Variants in ZNF106 observed in about 807,000 individuals in gnomAD.
ZNF106 encodes zinc finger protein 106.
In ZNF106, 67 loss-of-function variants were observed where a neutral mutation model predicts 195.1. That is an observed-to-expected ratio of 0.34 (90% CI 0.28 to 0.42). The LOEUF is 0.42. Ranked by LOEUF, ZNF106 falls within the 10% of genes least tolerant of loss-of-function variation. The pLI is 1.00. For synonymous variants in ZNF106, 784 were observed against 818.6 expected, an observed-to-expected ratio of 0.96 and a Z score of 0.72; for missense variants, 2,118 against 2,304.5, an observed-to-expected ratio of 0.92 and a Z score of 1.66.
Position 42,422,633 on chromosome 15 carries a change from A to G in ZNF106, c.5254-13T>C. ...CGAGCTCACCAGTCTATGTCAGAAG[A>G]GAAGTAAGAGTCACCAGACTGACTT... On this transcript the variant is annotated splice_polypyrimidine_tract_variant and intron_variant, in intron 17 of 21. Coordinates refer to ENST00000564754, the MANE Select transcript of ZNF106 (RefSeq NM_001366845.3). 3.1e-6 allele frequency: 5 copies of G among 1,593,178 alleles called. No homozygotes were observed. The highest frequency in any genetic ancestry group is 4.3e-6 in the Non-Finnish European group (5 of 1,172,118).
chr15:42,415,322 A>C lies in ZNF106; in HGVS notation c.*1982T>G. 1 of 402,762 alleles carries C rather than the reference A, an allele frequency of 2.5e-6. No homozygotes were observed. Among genetic ancestry groups the C allele is most frequent in the Non-Finnish European group, 4.9e-6 (1 of 203,188 alleles). 24.9% of individuals were successfully genotyped at this position (402,762 alleles called of 1,614,324 possible). Reference sequence around the variant, plus strand: ...TTTTTAATAGAGACGGGGTTTCACTATGTTGGCCAGGCTGGTCTCAAATGC... The same window carrying C: ...TTTTTAATAGAGACGGGGTTTCACTCTGTTGGCCAGGCTGGTCTCAAATGC... On this transcript the variant is annotated 3_prime_UTR_variant, in exon 22 of 22. Coordinates refer to ENST00000564754, the MANE Select transcript of ZNF106 (RefSeq NM_001366845.3).
At chr15:42,471,245 C>T (rs1355805533) in intron 2 of ZNF106, among the ~76,000 whole-genome samples, 5 of 152,318 alleles carry the variant, frequency 3.3e-5, no homozygotes, top group African/African-American at 1.2e-4. Flanking sequence ...ACCACTTCCA[C>T]TCACACTTCC....
chr15:42,435,458 T>C lies in ZNF106; in HGVS notation c.4807A>G (p.Thr1603Ala). 1 of 1,614,180 alleles carries C rather than the reference T, an allele frequency of 6.2e-7. No homozygotes were observed. The change falls in exon 14 of 22, where the codon ACT becomes GCT. Residue 1603 changes from threonine to alanine, a missense_variant. Thr to Ala is a moderately conservative substitution (Grantham distance 58). Coordinates refer to ENST00000564754, the MANE Select transcript of ZNF106 (RefSeq NM_001366845.3). ...HTSKVNCLLV[T>A]QTSGKNAALY... ...GCAGCATTCTTCCCGGAGGTCTGAGTAACCAGGAGGCAGTTAACTTTGGAG... is the reference window on the plus strand; with the variant it reads ...GCAGCATTCTTCCCGGAGGTCTGAGCAACCAGGAGGCAGTTAACTTTGGAG...
At chr15:42,482,521 A>ATTTTT (rs2056920903) in intron 1 of ZNF106, among the ~76,000 whole-genome samples, 6 of 102,504 alleles carry the variant, frequency 5.9e-5, no homozygotes, top group South Asian at 3.0e-4. Flanking sequence ...TGAAATCTCC[A>ATTTTT]GTTTTTTTTT....
chr15:42,488,945 G>A (rs984793069), intron 1 of ZNF106, among the ~76,000 whole-genome samples: 1 of 151,654 alleles, frequency 6.6e-6, no homozygotes, highest in Non-Finnish European at 1.5e-5. Flanking sequence ...AGGCATGGTG[G>A]TGGGCACCTG....
Position 42,438,460 on chromosome 15 carries a change from C to G in ZNF106, c.4600+152G>C, listed in dbSNP as rs547036422. ...CCAGGATTTGAGGTTTTAAGAATAT[C>G]AGAACTGTTGATCAAGGCAATCCTC... On this transcript the variant is annotated intron_variant, in intron 12 of 21. Transcript: ENST00000564754. 2.6e-5 allele frequency: 17 copies of G among 659,154 alleles called. No homozygotes were observed. The African/African-American group carries it at 3.1e-4, about 12-fold the overall frequency. 40.8% of individuals were successfully genotyped at this position (659,154 alleles called of 1,614,324 possible). A position where few individuals can be genotyped will look rare whatever the true frequency, so the allele number is the denominator to read the frequency against.
chr15:42,460,743 C>A (rs923484840), intron 3 of ZNF106, among the ~76,000 whole-genome samples: 2 of 151,886 alleles, frequency 1.3e-5, no homozygotes, highest in South Asian at 2.1e-4. Flanking sequence ...GCCTGTAATC[C>A]CAACTACTTG....
chr15:42,422,572 C>T lies in ZNF106; in HGVS notation c.5302G>A (p.Val1768Met). The change falls in exon 18 of 22, where the codon GTG (valine) becomes ATG (methionine). Residue 1768 changes from valine to methionine, a missense_variant. Coordinates refer to ENST00000564754, the MANE Select transcript of ZNF106 (RefSeq NM_001366845.3). ...IYKGHNHAVT[V>M]VNILGKVMVT... ...ATCACTTTTCCTAGGATATTCACCA[C>T]AGTCACTGCATGATTGTGACCTTTA... The T allele has an allele frequency of 4.3e-6, 7 of 1,613,770 alleles. No homozygotes were observed. Among genetic ancestry groups the T allele is most frequent in the South Asian group, 2.2e-5 (2 of 91,014 alleles).
rs533921480 is a variant in ZNF106, at chr15:42,437,233, A to G, written c.4745T>C (p.Val1582Ala). Residue 1582 changes from valine (V) to alanine (A), a missense_variant and splice_region_variant, in exon 13 of 22, where the codon GTG (valine) becomes GCG (alanine). Transcript: ENST00000564754. The part of the protein sequence containing the change: ...ADKTVRVYNL[V>A]SRKCIGVFEG... ...ATTCTACATGTTCTATCAACTTACC[A>G]CCAGATTATAAACCCGAACAGTTTT... 6.2e-7 allele frequency: 1 copy of G among 1,610,418 alleles called. No individual in the cohort carries two copies. Among genetic ancestry groups the G allele is most frequent in the African/African-American group, 1.3e-5 (1 of 74,822 alleles).
At chr15:42,465,992 C>A in intron 3 of ZNF106, 61 bp downstream of exon 3, 1 of 1,336,744 alleles carries the variant, frequency 7.5e-7, no homozygotes, top group Non-Finnish European at 1.0e-6. Context: ...AACTGACAGG[C>A]ACCATCATCA....
intron 4 of ZNF106, among the ~76,000 whole-genome samples, chr15:42,452,330 A>G (rs1275365754): frequency 6.6e-6 from 1 of 151,910 alleles, no homozygotes; most frequent in Non-Finnish European, 1.5e-5. Context: ...CAAGACCAAC[A>G]TGGCCGACAT....
intron 1 of ZNF106, among the ~76,000 whole-genome samples, chr15:42,476,506 T>C (rs927968367): frequency 6.6e-6 from 1 of 152,170 alleles, no homozygotes; most frequent in Non-Finnish European, 1.5e-5. Context: ...GTTTTCACCA[T>C]GTTGGCCAGC....
At chr15:42,477,668 C>T (rs926900159) in intron 1 of ZNF106, among the ~76,000 whole-genome samples, 1 of 152,178 alleles carries the variant, frequency 6.6e-6, no homozygotes, top group African/African-American at 2.4e-5. Context: ...GCAGGTGGAT[C>T]ACCTGAGGTC....
intron 1 of ZNF106, among the ~76,000 whole-genome samples, chr15:42,476,233 G>A (rs1209524302): frequency 6.6e-6 from 1 of 152,128 alleles, no homozygotes; most frequent in East Asian, 1.9e-4. Flanking sequence ...CATGATTCCA[G>A]GCAAAGTAAC....
chr15:42,468,494 C>T (rs576425896), intron 2 of ZNF106, among the ~76,000 whole-genome samples: 14 of 151,688 alleles, frequency 9.2e-5, no homozygotes, highest in Non-Finnish European at 1.9e-4. Flanking sequence ...CCTATAATCC[C>T]AGCACTTTGG....
Position 42,466,130 on chromosome 15 carries a change from A to C in ZNF106, c.55-16T>G, listed in dbSNP as rs1350171135. The C allele has an allele frequency of 6.5e-7, 1 of 1,527,448 alleles. No individual in the cohort carries two copies. The highest frequency in any genetic ancestry group is 1.2e-5 in the South Asian group (1 of 81,940). 94.6% of individuals were successfully genotyped at this position (1,527,448 alleles called of 1,614,324 possible). A position where few individuals can be genotyped will look rare whatever the true frequency, so the allele number is the denominator to read the frequency against. On this transcript the variant is annotated splice_polypyrimidine_tract_variant and intron_variant, in intron 2 of 21. Transcript: ENST00000564754. ...CGTCCATCTCCTTCAAAATAAAAGAAAGTAGATTAAAACTAAGCAGGATTG... is the reference window on the plus strand; with the variant it reads ...CGTCCATCTCCTTCAAAATAAAAGACAGTAGATTAAAACTAAGCAGGATTG...
At chr15:42,424,491 T>C (rs2054782566) in intron 16 of ZNF106, 1 of 276,850 alleles carries the variant, frequency 3.6e-6, no homozygotes, top group Non-Finnish European at 6.8e-6. Context: ...CTTTGTTTTG[T>C]TTTGCTTTGC....
chr15:42,429,442 T>TA (rs887908937), intron 14 of ZNF106, among the ~76,000 whole-genome samples: 83 of 145,214 alleles, frequency 5.7e-4, no homozygotes, highest in African/African-American at 1.4e-3. Flanking sequence ...CCGTCTCAAT[T>TA]AAAAAAAAAA....
At chr15:42,438,744 A>T (rs947698407) in intron 11 of ZNF106, 77 bp from the exon 12 acceptor site, 175 of 1,395,870 alleles carry the variant, frequency 1.3e-4, no homozygotes, top group Middle Eastern at 1.8e-4. Context: ...TTCTGACTCA[A>T]AGGATTTTTC....
Sources: allele counts gnomAD v4.1 joint callset (sites outside exome capture counted in the v4.1 genomes callset), GRCh38; gene constraint gnomAD v4.1.1; transcripts MANE v1.5; gene names NCBI Gene and HGNC (gene_info 2026-07-23, HGNC 2026-07-21).